The following TTC39B variants were observed in gnomAD, a reference collection of about 807,000 sequenced individuals.
TTC39B encodes the protein tetratricopeptide repeat protein 39B.
A neutral mutation model predicts 96.6 loss-of-function variants in TTC39B; 92 were observed. The observed-to-expected ratio is 0.95, with a 90% CI of 0.80 to 1.13. The LOEUF (loss-of-function observed/expected upper bound fraction) is 1.13. Ranked by LOEUF, TTC39B falls within the 50% of genes most tolerant of loss-of-function variation. The pLI, the probability that TTC39B is intolerant of heterozygous loss-of-function variation, is 0.00. For synonymous variants in TTC39B, 367 were observed against 299.4 expected (o/e 1.23, Z -2.33); for missense variants, 955 against 809.3 (o/e 1.18, Z -2.18).
chr9:15,168,058 A>G (rs150781128), exon 20 of TTC39B: 1 of 152,384 alleles, frequency 6.6e-6, no homozygotes, highest in East Asian at 1.9e-4. Flanking sequence ...TCAGGTGATC[A>G]TAGTAGACAG....
chr9:15,241,838 G>A (rs893776733), intron 2 of TTC39B, among the ~76,000 whole-genome samples: 3 of 151,622 alleles, frequency 2.0e-5, no homozygotes, highest in Admixed American at 6.6e-5. Flanking sequence ...TGCCTCCTGG[G>A]TTCAAGCAAT....
intron 2 of TTC39B, among the ~76,000 whole-genome samples, chr9:15,227,263 G>A (rs1186737436): frequency 1.3e-5 from 2 of 150,434 alleles, no homozygotes; most frequent in Non-Finnish European, 2.9e-5. Flanking sequence ...AGCCAAGATC[G>A]CACCATTGCA....
At chr9:15,232,939 G>A (rs1176207688) in intron 2 of TTC39B, among the ~76,000 whole-genome samples, 1 of 152,102 alleles carries the variant, frequency 6.6e-6, no homozygotes, top group Non-Finnish European at 1.5e-5. Context: ...GGCACGGTTC[G>A]AACACTCTGG....
intron 14 of TTC39B, among the ~76,000 whole-genome samples, chr9:15,187,497 G>A (rs1049813400): frequency 3.3e-5 from 5 of 152,162 alleles, no homozygotes; most frequent in African/African-American, 1.2e-4. Context: ...GTCTCACTCT[G>A]TCACCAGGCT....
intron 1 of TTC39B, among the ~76,000 whole-genome samples, chr9:15,279,761 T>C (rs548588075): frequency 6.6e-6 from 1 of 152,312 alleles, no homozygotes; most frequent in African/African-American, 2.4e-5. Flanking sequence ...AGTCACCTTC[T>C]CTGTGGCTGA....
intron 19 of TTC39B, 58 bp from the exon 20 acceptor site, chr9:15,172,167 C>T: frequency 8.7e-7 from 1 of 1,151,924 alleles, no homozygotes; most frequent in African/African-American, 1.5e-5. Flanking sequence ...CCAGGTACCA[C>T]CACTCTCCCA....
chr9:15,216,035 G>C (rs2131368295), intron 3 of TTC39B, among the ~76,000 whole-genome samples: 1 of 152,276 alleles, frequency 6.6e-6, no homozygotes. Flanking sequence ...GGCAAGGCCA[G>C]AACCCCTCTC....
chr9:15,263,000 C>A (rs1416513279), intron 2 of TTC39B, among the ~76,000 whole-genome samples: 1 of 152,156 alleles, frequency 6.6e-6, no homozygotes, highest in African/African-American at 2.4e-5. Flanking sequence ...TTAGGACAAA[C>A]AAAAAGTTCA....
intron 2 of TTC39B, among the ~76,000 whole-genome samples, chr9:15,253,190 AC>A (rs1459171396): frequency 1.3e-5 from 2 of 152,124 alleles, no homozygotes; most frequent in African/African-American, 4.8e-5. Context: ...GACAAAAGAG[AC>A]TTTATAGATA....
At position 15,285,283 on chromosome 9, in the gene TTC39B, A is replaced by T. The variant is rs867842249; in HGVS notation, c.241-17335T>A. Among the ~76,000 whole-genome samples, 604 of 152,076 alleles carry T rather than the reference A, an allele frequency of 4.0e-3. 5 individuals carry two copies. The highest frequency in any genetic ancestry group is 0.014 in the African/African-American group (573 of 41,502). On this transcript the variant is annotated intron_variant, in intron 1 of 19. Transcript: ENST00000512701. ...GACTCCGTCTCAAAAAGAAAAAAAA[A>T]AAAAAGATCCTTTCATGCCCAGTGT...
exon 13 of TTC39B, chr9:15,189,599 T>A (rs1340691282): frequency 6.2e-7 from 1 of 1,614,100 alleles, no homozygotes. Flanking sequence ...TTTCAGCAAC[T>A]CTATTCGGGC....
At position 15,182,296 on chromosome 9, in the gene TTC39B, T is replaced by C. The variant is rs1452631093; in HGVS notation, c.1723+11A>G. The C allele has an allele frequency of 2.5e-6, 4 of 1,578,818 alleles. No individual in the cohort carries two copies. The East Asian group carries it at 9.0e-5, about 36-fold the overall frequency. On this transcript the variant is annotated intron_variant, in intron 17 of 19. Transcript: ENST00000512701. ...GACAAAGGCTCCTCGGTGCTTACTG[T>C]GTATACTTACTTTGACTTTGTAAAG...
intron 1 of TTC39B, among the ~76,000 whole-genome samples, chr9:15,277,246 T>A (rs1823579319): frequency 6.6e-6 from 1 of 152,004 alleles, no homozygotes; most frequent in Non-Finnish European, 1.5e-5. Context: ...CTGACCAACA[T>A]GGAGAAATCC....
intron 3 of TTC39B, 103 bp from the exon 4 acceptor site, chr9:15,214,352 G>GTGTGTGTGTC (rs1586888665): frequency 3.9e-6 from 3 of 770,938 alleles, no homozygotes; most frequent in African/African-American, 3.5e-5. Context: ...GTGTGTCTGT[G>GTGTGTGTGTC]TGTGTGTGTC....
chr9:15,201,140 T>C (rs1004736133), intron 7 of TTC39B, among the ~76,000 whole-genome samples: 3 of 152,184 alleles, frequency 2.0e-5, no homozygotes, highest in Non-Finnish European at 4.4e-5. Flanking sequence ...GTTCTAATTA[T>C]TATAAGAATC....
chr9:15,307,025 C>G (rs1824774143), intron 1 of TTC39B, 59 bp downstream of exon 1: 2 of 1,581,380 alleles, frequency 1.3e-6, no homozygotes, highest in African/African-American at 1.3e-5. Flanking sequence ...TCACTCTTCT[C>G]TCCCGGACTC....
At chr9:15,291,087 G>A (rs1215864512) in intron 1 of TTC39B, among the ~76,000 whole-genome samples, 1 of 152,242 alleles carries the variant, frequency 6.6e-6, no homozygotes, top group Non-Finnish European at 1.5e-5. Context: ...CAGCATTAAA[G>A]GAATTCCTTT....
At chr9:15,254,582 T>C (rs563901757) in intron 2 of TTC39B, among the ~76,000 whole-genome samples, 1 of 152,154 alleles carries the variant, frequency 6.6e-6, no homozygotes, top group Non-Finnish European at 1.5e-5. Flanking sequence ...CTTATACAAG[T>C]TTAGTAACTA....
At chr9:15,260,832 G>T (rs1284940668) in intron 2 of TTC39B, among the ~76,000 whole-genome samples, 1 of 152,030 alleles carries the variant, frequency 6.6e-6, no homozygotes, top group Non-Finnish European at 1.5e-5. Flanking sequence ...AAAAAAATCT[G>T]CCTATTTCAC....
Sources: allele counts gnomAD v4.1 joint callset (sites outside exome capture counted in the v4.1 genomes callset), GRCh38; gene constraint gnomAD v4.1.1; transcripts MANE v1.5; gene names NCBI Gene and HGNC (gene_info 2026-07-23, HGNC 2026-07-21).